Variants in SLC4A10 observed in about 807,000 individuals in gnomAD.
The protein encoded by SLC4A10 is solute carrier family 4 member 10.
SLC4A10 carries 42 observed loss-of-function variants against 137.7 expected under a neutral mutation model. The observed-to-expected ratio is 0.30, with a 90% CI of 0.24 to 0.39. SLC4A10 has a LOEUF of 0.39. Ranked by LOEUF, SLC4A10 falls within the 10% of genes least tolerant of loss-of-function variation. The pLI is 1.00. For synonymous variants in SLC4A10, 474 were observed against 464.1 expected (o/e 1.02, Z -0.27); for missense variants, 925 against 1,355.0 (o/e 0.68, Z 4.98).
chr2:161,686,276 A>T (rs2041396036), intron 1 of SLC4A10, among the ~76,000 whole-genome samples: 1 of 152,228 alleles, frequency 6.6e-6, no homozygotes, highest in Non-Finnish European at 1.5e-5. Context: ...TTATGTTCTT[A>T]TGGGTAAAGA....
intron 1 of SLC4A10, among the ~76,000 whole-genome samples, chr2:161,632,078 T>C (rs1384237631): frequency 6.6e-6 from 1 of 151,716 alleles, no homozygotes; most frequent in Admixed American, 6.6e-5. Context: ...GTAACTCCAC[T>C]TGTTCTTGCT....
intron 2 of SLC4A10, among the ~76,000 whole-genome samples, chr2:161,781,891 A>G (rs1197254369): frequency 6.6e-6 from 1 of 151,998 alleles, no homozygotes; most frequent in Non-Finnish European, 1.5e-5. Flanking sequence ...TCTACCCCCA[A>G]CGCAACACCA....
intron 2 of SLC4A10, among the ~76,000 whole-genome samples, chr2:161,797,926 C>A (rs1269249765): frequency 2.6e-5 from 4 of 151,858 alleles, no homozygotes; most frequent in African/African-American, 7.3e-5. Context: ...AGTCATGAAG[C>A]CTTTTGTTTT....
intron 11 of SLC4A10, among the ~76,000 whole-genome samples, chr2:161,896,413 A>G (rs938809926): frequency 1.1e-4 from 16 of 152,056 alleles, no homozygotes; most frequent in African/African-American, 3.1e-4. Flanking sequence ...TTTTAGTTCC[A>G]TATGAACTTT....
chr2:161,978,509 A>C (rs1699761858), intron 26 of SLC4A10, among the ~76,000 whole-genome samples: 1 of 152,192 alleles, frequency 6.6e-6, no homozygotes, highest in Non-Finnish European at 1.5e-5. Context: ...ACTTCATGAG[A>C]CATCACTGGA....
chr2:161,888,678 GGA>G (rs2062583991), intron 10 of SLC4A10, among the ~76,000 whole-genome samples: 1 of 152,268 alleles, frequency 6.6e-6, no homozygotes, highest in Middle Eastern at 3.4e-3. Flanking sequence ...ATCAGCTTAA[GGA>G]GATTTTGGGC....
chr2:161,950,087 G>A (rs946149962), intron 18 of SLC4A10, among the ~76,000 whole-genome samples: 1 of 151,912 alleles, frequency 6.6e-6, no homozygotes, highest in Non-Finnish European at 1.5e-5. Flanking sequence ...CCTTCCCTGA[G>A]CCTCTGCTGT....
intron 1 of SLC4A10, among the ~76,000 whole-genome samples, chr2:161,647,804 A>G (rs2036261650): frequency 6.6e-6 from 1 of 152,178 alleles, no homozygotes; most frequent in African/African-American, 2.4e-5. Flanking sequence ...TACGTTATAA[A>G]TCTTCTCTCT....
intron 3 of SLC4A10, among the ~76,000 whole-genome samples, chr2:161,810,933 AG>A (rs2056491891): frequency 6.6e-6 from 1 of 152,060 alleles, no homozygotes; most frequent in Non-Finnish European, 1.5e-5. Context: ...GAGTTTTAGT[AG>A]GATTGGTACC....
At chr2:161,789,120 C>A (rs905700381) in intron 2 of SLC4A10, among the ~76,000 whole-genome samples, 2 of 152,202 alleles carry the variant, frequency 1.3e-5, no homozygotes, top group African/African-American at 4.8e-5. Flanking sequence ...GTGGCACCTG[C>A]CATCTCAGTT....
intron 10 of SLC4A10, among the ~76,000 whole-genome samples, chr2:161,886,854 C>T (rs2062356827): frequency 6.6e-6 from 1 of 151,968 alleles, no homozygotes; most frequent in African/African-American, 2.4e-5. Flanking sequence ...AGGCTTGTTA[C>T]ATAGGTATAC....
At chr2:161,642,763 G>A (rs183459664) in intron 1 of SLC4A10, among the ~76,000 whole-genome samples, 7 of 152,022 alleles carry the variant, frequency 4.6e-5, no homozygotes, top group East Asian at 1.9e-4. Flanking sequence ...TGCTTTGATC[G>A]TAATATCTTC....
intron 1 of SLC4A10, among the ~76,000 whole-genome samples, chr2:161,706,319 T>C (rs1308278171): frequency 6.6e-6 from 1 of 151,678 alleles, no homozygotes; most frequent in Non-Finnish European, 1.5e-5. Flanking sequence ...TTCAATTTTC[T>C]TATTTTTCAT....
intron 1 of SLC4A10, among the ~76,000 whole-genome samples, chr2:161,629,782 T>A (rs914440223): frequency 6.6e-6 from 1 of 151,908 alleles, no homozygotes; most frequent in Non-Finnish European, 1.5e-5. Flanking sequence ...TAGAGTATTA[T>A]ATAGTTGGAA....
chr2:161,902,225 T>C (rs1353008901), intron 12 of SLC4A10: 11 of 349,722 alleles, frequency 3.1e-5, no homozygotes, highest in Non-Finnish European at 5.1e-5. Context: ...TATTACACAG[T>C]ACTATAACAA....
intron 2 of SLC4A10, among the ~76,000 whole-genome samples, chr2:161,803,594 T>C (rs937310807): frequency 5.3e-5 from 8 of 152,200 alleles, no homozygotes; most frequent in African/African-American, 1.2e-4. Context: ...TTTTCCAGAA[T>C]GTCATACAGT....
chr2:161,912,154 A>G (rs1686008871), intron 15 of SLC4A10, among the ~76,000 whole-genome samples: 1 of 152,126 alleles, frequency 6.6e-6, no homozygotes, highest in South Asian at 2.1e-4. Context: ...GGCAGATAGT[A>G]GTAAAGCTTT....
intron 4 of SLC4A10, among the ~76,000 whole-genome samples, chr2:161,843,079 G>T (rs994880408): frequency 6.6e-6 from 1 of 152,064 alleles, no homozygotes; most frequent in Non-Finnish European, 1.5e-5. Flanking sequence ...CTACATAATA[G>T]AGCTGAAAAG....
At chr2:161,971,271 G>A (rs1190285382) in intron 23 of SLC4A10, among the ~76,000 whole-genome samples, 2 of 152,268 alleles carry the variant, frequency 1.3e-5, no homozygotes, top group East Asian at 1.9e-4. Context: ...TTCTTGTCCT[G>A]TACTGGACAT....
Sources: allele counts gnomAD v4.1 joint callset (sites outside exome capture counted in the v4.1 genomes callset), GRCh38; gene constraint gnomAD v4.1.1; transcripts MANE v1.5; gene names NCBI Gene and HGNC (gene_info 2026-07-23, HGNC 2026-07-21).